The following SCARB1 variants were observed in gnomAD, a reference collection of about 807,000 sequenced individuals.
SCARB1 encodes CD36 and LIMPII analogous 1.
In SCARB1, 30 loss-of-function variants were observed where a neutral mutation model predicts 57.2. The observed-to-expected ratio is 0.52, with a 90% CI of 0.39 to 0.71. The LOEUF (loss-of-function observed/expected upper bound fraction) is 0.71, where lower values mean the gene tolerates loss of function less well. SCARB1 is among the 30% of genes least tolerant of loss of function. SCARB1 has a pLI of 0.00. For missense variants in SCARB1, 543 were observed against 671.2 expected (o/e 0.81, Z 2.11); for synonymous variants, 249 against 268.3 (o/e 0.93, Z 0.70).
In SCARB1 at chr12:124,826,934, T is replaced by C. The variant is rs930878654; in HGVS notation, c.127-9227A>G. On this transcript the variant is annotated intron_variant, in intron 1 of 12. Coordinates refer to ENST00000261693, the MANE Select transcript of SCARB1 (RefSeq NM_005505.5). Reference sequence around the variant, plus strand: ...GAAAAACATTCAGGGAAATGATACCTGCAAACAATCTCAGGAGAGGGCTGG... The same window carrying C: ...GAAAAACATTCAGGGAAATGATACCCGCAAACAATCTCAGGAGAGGGCTGG... Among the ~76,000 whole-genome samples the C allele has an allele frequency of 5.9e-5, 9 of 152,172 alleles. 1 individual carries two copies. In the South Asian group the frequency reaches 1.9e-3, roughly 31 times the overall value.
intron 12 of SCARB1, among the ~76,000 whole-genome samples, chr12:124,780,266 G>C (rs1268686989): frequency 6.6e-6 from 1 of 152,096 alleles, no homozygotes; most frequent in African/African-American, 2.4e-5. Flanking sequence ...AAAGGACCCA[G>C]CTGAAGGGTT....
intron 7 of SCARB1, among the ~76,000 whole-genome samples, chr12:124,806,087 A>C (rs1293437881): frequency 6.6e-6 from 1 of 152,120 alleles, no homozygotes; most frequent in Non-Finnish European, 1.5e-5. Context: ...GCCAGCAGTG[A>C]CCGCACTGGA....
At chr12:124,843,536 C>T (rs1284108955) in intron 1 of SCARB1, among the ~76,000 whole-genome samples, 1 of 152,130 alleles carries the variant, frequency 6.6e-6, no homozygotes, top group Non-Finnish European at 1.5e-5. Context: ...CAGAGCTCTG[C>T]AGATCTGAGG....
chr12:124,815,231 G>A (rs1448069588), intron 2 of SCARB1, 117 bp from the exon 3 acceptor site: 11 of 1,173,176 alleles, frequency 9.4e-6, no homozygotes, highest in South Asian at 8.8e-5. Context: ...GCACACCTCC[G>A]GCCCCACAGC....
intron 1 of SCARB1, among the ~76,000 whole-genome samples, chr12:124,858,799 A>G (rs1410898141): frequency 6.6e-6 from 1 of 151,954 alleles, no homozygotes; most frequent in African/African-American, 2.4e-5. Flanking sequence ...GAATGGCGTG[A>G]ACCCGGAAGG....
intron 7 of SCARB1, among the ~76,000 whole-genome samples, chr12:124,803,689 CAA>C (rs58564503): frequency 0.01 from 478 of 47,654 alleles, 1 homozygote; most frequent in Middle Eastern, 0.038. Flanking sequence ...CCCACCTCTA[CAA>C]AAAAAAAAAA....
intron 1 of SCARB1, among the ~76,000 whole-genome samples, chr12:124,854,206 G>C (rs1225060320): frequency 1.3e-5 from 2 of 152,234 alleles, no homozygotes; most frequent in African/African-American, 4.8e-5. Context: ...AATCAGGGGA[G>C]GGTCTCCGTG....
intron 1 of SCARB1, among the ~76,000 whole-genome samples, chr12:124,830,479 A>G (rs1951341619): frequency 6.6e-6 from 1 of 152,240 alleles, no homozygotes; most frequent in Admixed American, 6.5e-5. Context: ...GGACACACTC[A>G]TACCATGGAA....
At chr12:124,819,306 G>C (rs1285200583) in intron 1 of SCARB1, among the ~76,000 whole-genome samples, 1 of 152,188 alleles carries the variant, frequency 6.6e-6, no homozygotes, top group Admixed American at 6.5e-5. Flanking sequence ...GAGACGCTGG[G>C]AGAGAGCCTC....
chr12:124,849,879 A>AAACC (rs1952316657), intron 1 of SCARB1, among the ~76,000 whole-genome samples: 38 of 128,848 alleles, frequency 2.9e-4, no homozygotes, highest in South Asian at 5.2e-4. Context: ...CCTGGGCAAC[A>AAACC]TAGCAAGACC....
At chr12:124,835,072 C>A (rs879529663) in intron 1 of SCARB1, among the ~76,000 whole-genome samples, 3 of 152,098 alleles carry the variant, frequency 2.0e-5, no homozygotes, top group Non-Finnish European at 2.9e-5. Context: ...GTCCAGACTC[C>A]AATGCACCAT....
rs1408881842 is a variant in SCARB1 at position 124,841,482 on chromosome 12, A to T, written c.126+22113T>A. Among the ~76,000 whole-genome samples the T allele has an allele frequency of 8.7e-3, 1,069 of 122,730 alleles. 22 individuals carry two copies. The highest frequency in any genetic ancestry group is 0.043 in the African/African-American group (1,022 of 23,668). The allele number at this position is 122,730 out of a possible 152,430, so 80.5% of individuals were successfully genotyped here. Reference sequence around the variant, plus strand: ...GGGCGACAGAGAAAGACTCTGTCTCAAAAAAAAAAAAAAAAAATACTGAGT... The same window carrying T: ...GGGCGACAGAGAAAGACTCTGTCTCTAAAAAAAAAAAAAAAAATACTGAGT... On this transcript the variant is annotated intron_variant, in intron 1 of 12. Coordinates refer to ENST00000261693, the MANE Select transcript of SCARB1 (RefSeq NM_005505.5).
Position 124,814,436 on chromosome 12 carries a change from G to T in SCARB1, c.427-31C>A. 6.2e-7 allele frequency: 1 copy of T among 1,604,768 alleles called. No homozygotes were observed. Among genetic ancestry groups the T allele is most frequent in the South Asian group, 1.1e-5 (1 of 90,810 alleles). On this transcript the variant is annotated intron_variant, in intron 3 of 12. Coordinates refer to ENST00000261693, the MANE Select transcript of SCARB1 (RefSeq NM_005505.5). The surrounding 1 kb of genome is among the most constrained non-coding windows in gnomAD (Gnocchi z 4.7). ...AGGCGAAGGGACACTAGTGTCAGAG[G>T]CTGGACGTGGCTGGCCCATCCTCCC... is the stretch of plus-strand genomic sequence containing the variant.
At position 124,835,920 on chromosome 12, in the gene SCARB1, G is replaced by A. The variant is rs113020587; in HGVS notation, c.127-18213C>T. Among the ~76,000 whole-genome samples, 247 of 152,280 alleles carry A rather than the reference G, an allele frequency of 1.6e-3. 1 individual carries two copies. The highest frequency in any genetic ancestry group is 5.6e-3 in the African/African-American group (231 of 41,550). ...GGGTGTGCCCTCCAGCTTGCAACGGGCCCCACCACTCCCTATCACCTCATG... is the reference window on the plus strand; with the variant it reads ...GGGTGTGCCCTCCAGCTTGCAACGGACCCCACCACTCCCTATCACCTCATG... On this transcript the variant is annotated intron_variant, in intron 1 of 12. Coordinates refer to ENST00000261693, the MANE Select transcript of SCARB1 (RefSeq NM_005505.5).
Position 124,807,936 on chromosome 12 carries a change from G to A in SCARB1, c.843-9C>T. On this transcript the variant is annotated splice_polypyrimidine_tract_variant and intron_variant, in intron 6 of 12. Transcript: ENST00000261693. This position sits in a 1 kb window ranked among gnomAD's most constrained non-coding sequence, Gnocchi z 5.3. ...ACATTAGCTTCATGGATCTGCAGGG[G>A]ACAGACAGGATGAGAGGGGACACCC... 6.2e-7 allele frequency: 1 copy of A among 1,613,944 alleles called. No individual in the cohort carries two copies. The highest frequency in any genetic ancestry group is 1.3e-5 in the African/African-American group (1 of 75,022).
chr12:124,858,723 C>CA (rs1952746482), intron 1 of SCARB1, among the ~76,000 whole-genome samples: 1 of 151,928 alleles, frequency 6.6e-6, no homozygotes, highest in Admixed American at 6.6e-5. Context: ...ACTAAAAATA[C>CA]AAAAAACTAG....
chr12:124,822,475 G>A lies in SCARB1; in HGVS notation c.127-4768C>T, dbSNP rs951526752. ...TCGGGGAAAGGGAATACTCTAGAGA[G>A]AGAAGCCAGACCAGTGGCTGCCGGG... On this transcript the variant is annotated intron_variant, in intron 1 of 12. Transcript: ENST00000261693. This position sits in a 1 kb window ranked among gnomAD's most constrained non-coding sequence, Gnocchi z 5.0. Among the ~76,000 whole-genome samples the A allele has an allele frequency of 1.3e-5, 2 of 152,250 alleles. No homozygotes were observed. The highest frequency in any genetic ancestry group is 2.9e-5 in the Non-Finnish European group (2 of 68,044).
intron 1 of SCARB1, among the ~76,000 whole-genome samples, chr12:124,836,818 T>C (rs559732895): frequency 3.0e-4 from 46 of 152,130 alleles, no homozygotes; most frequent in Non-Finnish European, 4.4e-4. Context: ...TAAAATAAAA[T>C]AGAATAAAGC....
At chr12:124,856,256 TG>T (rs1952619974) in intron 1 of SCARB1, among the ~76,000 whole-genome samples, 1 of 152,260 alleles carries the variant, frequency 6.6e-6, no homozygotes, top group African/African-American at 2.4e-5. Flanking sequence ...CATGTGTGCC[TG>T]TGTCAACATA....
Sources: gnomAD v4.1 joint callset for allele counts (sites outside exome capture counted in the v4.1 genomes callset) on GRCh38, gnomAD v4.1.1 for gene constraint, Gnocchi (gnomAD v3.1) non-coding constraint, MANE v1.5 for transcripts, NCBI Gene and HGNC (gene_info 2026-07-23, HGNC 2026-07-21) for gene names.